The following PLCZ1 variants were observed in gnomAD, a reference collection of about 807,000 sequenced individuals.
PLCZ1 encodes the protein phospholipase C zeta 1, also known as 1-phosphatidylinositol 4,5-bisphosphate phosphodiesterase zeta-1.
A neutral mutation model predicts 76.8 loss-of-function variants in PLCZ1; 64 were observed. The observed-to-expected ratio is 0.83, with a 90% CI of 0.68 to 1.03. PLCZ1 has a LOEUF of 1.03. Among genes scored for constraint, PLCZ1 ranks in the 50% least tolerant of loss-of-function variants. PLCZ1 has a pLI of 0.00. For synonymous variants in PLCZ1, 248 were observed against 230.8 expected (o/e 1.07, Z -0.68); for missense variants, 751 against 713.7 (o/e 1.05, Z -0.60).
chr12:18,704,093 G>A (rs187258352), intron 7 of PLCZ1, among the ~76,000 whole-genome samples: 24 of 152,210 alleles, frequency 1.6e-4, no homozygotes, highest in Admixed American at 7.9e-4. Flanking sequence ...TAAAGAATGT[G>A]GTGTTACAAC....
At chr12:18,650,831 A>G in the PLCZ1 span, among the ~76,000 whole-genome samples, 4 of 147,594 alleles carry the variant, frequency 2.7e-5, no homozygotes, top group African/African-American at 9.9e-5. Flanking sequence ...ATCACCAACC[A>G]CTTATCACTC....
At chr12:18,698,052 G>A (rs1331584647) in intron 10 of PLCZ1, among the ~76,000 whole-genome samples, 1 of 151,752 alleles carries the variant, frequency 6.6e-6, no homozygotes, top group East Asian at 1.9e-4. Context: ...TACAGGTCCT[G>A]TCCTCATGAA....
the PLCZ1 span, among the ~76,000 whole-genome samples, chr12:18,677,850 T>C: frequency 6.6e-6 from 1 of 152,078 alleles, no homozygotes; most frequent in Admixed American, 6.6e-5. Context: ...GTTTTAAAAT[T>C]GTACTTTAAT....
At chr12:18,666,949 CCA>C in the PLCZ1 span, among the ~76,000 whole-genome samples, 1 of 152,126 alleles carries the variant, frequency 6.6e-6, no homozygotes, top group South Asian at 2.1e-4. Context: ...AGGGTTTTAA[CCA>C]CAATTCCTTA....
At chr12:18,654,769 A>C in the PLCZ1 span, among the ~76,000 whole-genome samples, 1 of 152,192 alleles carries the variant, frequency 6.6e-6, no homozygotes, top group African/African-American at 2.4e-5. Context: ...GGATCAAGAT[A>C]ATCAAGACTT....
At chr12:18,657,589 A>G in the PLCZ1 span, among the ~76,000 whole-genome samples, 2 of 152,200 alleles carry the variant, frequency 1.3e-5, no homozygotes, top group African/African-American at 4.8e-5. Context: ...GCTGAACACC[A>G]CTAAGCTAAC....
chr12:18,695,117 G>C, intron 11 of PLCZ1, 38 bp from the exon 12 acceptor site: 1 of 1,578,380 alleles, frequency 6.3e-7, no homozygotes, highest in South Asian at 1.1e-5. Flanking sequence ...TCAGGTAATA[G>C]AGAATACAAA....
At chr12:18,693,961 C>G in intron 12 of PLCZ1, 2 of 1,514,474 alleles carry the variant, frequency 1.3e-6, no homozygotes, top group Non-Finnish European at 1.8e-6. Context: ...GTGCTGACAT[C>G]AAGGCAGTCT....
intron 4 of PLCZ1, among the ~76,000 whole-genome samples, chr12:18,722,510 T>C (rs1480970615): frequency 6.6e-6 from 1 of 152,092 alleles, no homozygotes; most frequent in Non-Finnish European, 1.5e-5. Flanking sequence ...AGAACTTTCA[T>C]ACGCCCCTCC....
intron 3 of PLCZ1, among the ~76,000 whole-genome samples, chr12:18,727,434 A>G (rs898495969): frequency 3.3e-5 from 5 of 152,200 alleles, no homozygotes; most frequent in African/African-American, 1.2e-4. Flanking sequence ...CTGGAGGGTC[A>G]AAGGAGAATC....
At chr12:18,683,894 G>T (rs556491132) in intron 14 of PLCZ1, among the ~76,000 whole-genome samples, 17 of 151,858 alleles carry the variant, frequency 1.1e-4, no homozygotes, top group Non-Finnish European at 2.5e-4. Flanking sequence ...GTAAAGAAAT[G>T]CTTATACATG....
chr12:18,676,050 CA>C, the PLCZ1 span, among the ~76,000 whole-genome samples: 13 of 151,900 alleles, frequency 8.6e-5, no homozygotes, highest in African/African-American at 3.1e-4. Context: ...AAAATTATAC[CA>C]TCAACACGAG....
chr12:18,671,818 T>C, the PLCZ1 span, among the ~76,000 whole-genome samples: 2 of 152,082 alleles, frequency 1.3e-5, no homozygotes, highest in Non-Finnish European at 2.9e-5. Flanking sequence ...ACAATAGAAA[T>C]TGATTTCTCA....
the PLCZ1 span, among the ~76,000 whole-genome samples, chr12:18,653,750 G>A: frequency 1.3e-5 from 2 of 152,014 alleles, no homozygotes; most frequent in African/African-American, 2.4e-5. Flanking sequence ...ATTAGAGTTT[G>A]GAGATTCAAA....
the PLCZ1 span, among the ~76,000 whole-genome samples, chr12:18,669,624 C>T: frequency 6.6e-6 from 1 of 151,862 alleles, no homozygotes; most frequent in Non-Finnish European, 1.5e-5. Flanking sequence ...CAGCTGAATC[C>T]TCACATGGCA....
At chr12:18,673,411 T>C in the PLCZ1 span, among the ~76,000 whole-genome samples, 1 of 152,050 alleles carries the variant, frequency 6.6e-6, no homozygotes, top group African/African-American at 2.4e-5. Context: ...AACAGAGCCA[T>C]TTCACCAAGA....
intron 1 of PLCZ1, chr12:18,737,718 T>C: frequency 4.5e-6 from 2 of 442,194 alleles, no homozygotes; most frequent in Non-Finnish European, 8.3e-6. Context: ...TTCCATGAAC[T>C]GCCATTGTAT....
the PLCZ1 span, among the ~76,000 whole-genome samples, chr12:18,666,131 A>T: frequency 6.6e-6 from 1 of 152,040 alleles, no homozygotes; most frequent in African/African-American, 2.4e-5. Context: ...AAAGAAATCA[A>T]GTGACACTAG....
downstream of PLCZ1, among the ~76,000 whole-genome samples, chr12:18,682,223 A>G (rs934682056): frequency 1.3e-5 from 2 of 152,092 alleles, no homozygotes; most frequent in African/African-American, 2.4e-5. Flanking sequence ...AACATTTAGT[A>G]CTGAGAGTAA....
Sources: gnomAD v4.1 joint callset for allele counts (sites outside exome capture counted in the v4.1 genomes callset) on GRCh38, gnomAD v4.1.1 for gene constraint, MANE v1.5 for transcripts, NCBI Gene and HGNC (gene_info 2026-07-23, HGNC 2026-07-21) for gene names.